FTCD: variants seen among roughly 807,000 people sequenced by gnomAD.
The protein encoded by FTCD is formimidoyltransferase-cyclodeaminase.
In FTCD, 76 loss-of-function variants were observed where a neutral mutation model predicts 62.9. The observed-to-expected ratio is 1.21, with a 90% confidence interval of 1.00 to 1.46. FTCD has a LOEUF of 1.46. FTCD is among the 40% of genes most tolerant of loss of function. The pLI is 0.00. For synonymous variants in FTCD, 397 were observed against 336.9 expected, an observed-to-expected ratio of 1.18 and a Z score of -1.95; for missense variants, 845 against 751.3, an observed-to-expected ratio of 1.12 and a Z score of -1.46.
At chr21:46,154,617 G>A (rs2079387035) in intron 1 of FTCD, among the ~76,000 whole-genome samples, 1 of 152,274 alleles carries the variant, frequency 6.6e-6, no homozygotes, top group Non-Finnish European at 1.5e-5. Flanking sequence ...ACAGACAGAT[G>A]CCAGAGACGT....
chr21:46,148,251 G>A (rs1056207492), intron 7 of FTCD, among the ~76,000 whole-genome samples: 11 of 152,168 alleles, frequency 7.2e-5, no homozygotes, highest in African/African-American at 2.4e-4. Flanking sequence ...GGTCCACGTC[G>A]GCACCCTGAG....
intron 10 of FTCD, among the ~76,000 whole-genome samples, chr21:46,141,271 G>A (rs550072393): frequency 6.6e-6 from 1 of 151,676 alleles, no homozygotes; most frequent in South Asian, 2.1e-4. Context: ...GAGTAGCTGG[G>A]ACCACAGGTA....
intron 10 of FTCD, among the ~76,000 whole-genome samples, chr21:46,141,166 G>A (rs2078996912): frequency 1.3e-5 from 2 of 152,304 alleles, no homozygotes; most frequent in East Asian, 3.9e-4. Flanking sequence ...GAGACAGGGT[G>A]TCGTTCTGTT....
rs569131862 is a variant in FTCD at position 46,137,826 on chromosome 21, G to C, written c.1444-492C>G. Among the ~76,000 whole-genome samples, 28 of 135,202 alleles carry C rather than the reference G, an allele frequency of 2.1e-4. 1 individual carries two copies. The East Asian group carries it at 7.1e-3, about 34-fold the overall frequency. The allele number at this position is 135,202 out of a possible 152,430, so 88.7% of individuals were successfully genotyped here. On this transcript the variant is annotated intron_variant, in intron 12 of 13. Transcript: ENST00000397746. ...CCATGAGAGAGACGCTCCTTCTCTG[G>C]GACCCTCTGCCCAGCTGTGGCCCCT...
intron 8 of FTCD, 68 bp from the exon 9 acceptor site, chr21:46,146,015 G>C (rs2079139642): frequency 1.0e-6 from 1 of 954,978 alleles, no homozygotes; most frequent in Non-Finnish European, 1.5e-6. Flanking sequence ...CTCCCGGGGC[G>C]GCCCCAGGCC....
At chr21:46,137,966 G>A (rs725976) in intron 12 of FTCD, among the ~76,000 whole-genome samples, 42,130 of 152,126 alleles carry the variant, frequency 0.28, 6,419 homozygotes, top group Non-Finnish European at 0.35. Context: ...GTGTGATCAC[G>A]GCTCACTGCA....
intron 10 of FTCD, among the ~76,000 whole-genome samples, chr21:46,143,537 C>T (rs2079064593): frequency 6.6e-6 from 1 of 152,180 alleles, no homozygotes; most frequent in Admixed American, 6.5e-5. Flanking sequence ...GTAGCAATTA[C>T]TCTTTAACAT....
At chr21:46,139,433 C>T (rs938805561) in intron 10 of FTCD, among the ~76,000 whole-genome samples, 1 of 151,474 alleles carries the variant, frequency 6.6e-6, no homozygotes, top group South Asian at 2.1e-4. Context: ...GTAAGGCACT[C>T]GGCTCCTCGG....
In FTCD at chr21:46,145,306, C is replaced by T. The variant is rs1186239469; in HGVS notation, c.1260+111G>A. The T allele has an allele frequency of 7.8e-6, 7 of 900,046 alleles. No homozygotes were observed. The Admixed American group carries it at 1.7e-4, about 22-fold the overall frequency. 55.8% of individuals were successfully genotyped at this position (900,046 alleles called of 1,614,324 possible). ...CCAGTGGTGACGCCCTCAGGCCCCT[C>T]CTGGTCCCCAGCCCCTCCCCAGCCG... is the stretch of plus-strand genomic sequence containing the variant. On this transcript the variant is annotated intron_variant, in intron 10 of 13. Transcript: ENST00000397746.
chr21:46,145,306 C>A, intron 10 of FTCD, 111 bp downstream of exon 10: 1 of 900,164 alleles, frequency 1.1e-6, no homozygotes. Flanking sequence ...TCAGGCCCCT[C>A]CTGGTCCCCA....
In FTCD at chr21:46,153,935, G is replaced by A. The variant is rs561146659; in HGVS notation, c.238+214C>T. ...TGGCCCGGTGCTGTGGGAGCGTGGC[G>A]ACCTGGGGGTCCCCCAGAGCACAGC... On this transcript the variant is annotated intron_variant, in intron 2 of 13. Coordinates refer to ENST00000397746, the MANE Select transcript of FTCD (RefSeq NM_206965.2). Among the ~76,000 whole-genome samples, 14 of 152,166 alleles carry A rather than the reference G, an allele frequency of 9.2e-5. No individual in the cohort carries two copies. In the South Asian group the frequency reaches 1.7e-3, roughly 18 times the overall value.
At position 46,138,572 on chromosome 21, in the gene FTCD, G is replaced by A. The variant is rs755986536; in HGVS notation, c.1379C>T (p.Ser460Leu). The change falls in exon 12 of 14, where the codon TCG becomes TTG. Residue 460 changes from serine (S) to leucine (L), a missense_variant. Coordinates refer to ENST00000397746, the MANE Select transcript of FTCD (RefSeq NM_206965.2). ...CAGTTCCTGCAGGGCCGGCCACAGCGAGGCCACCGTCTCCGCCAGCGTCAG... is the reference window on the plus strand; with the variant it reads ...CAGTTCCTGCAGGGCCGGCCACAGCAAGGCCACCGTCTCCGCCAGCGTCAG... ...VPLTLAETVA[S>L]LWPALQELAR... The A allele has an allele frequency of 2.3e-5, 36 of 1,587,922 alleles. No individual in the cohort carries two copies. Among genetic ancestry groups the A allele is most frequent in the African/African-American group, 5.4e-5 (4 of 74,714 alleles).
intron 11 of FTCD, 56 bp downstream of exon 11, chr21:46,138,824 G>A: frequency 6.6e-7 from 1 of 1,519,018 alleles, no homozygotes; most frequent in Admixed American, 1.7e-5. Flanking sequence ...TCGGGATCCT[G>A]GCCACCAACT....
intron 11 of FTCD, 37 bp from the exon 12 acceptor site, chr21:46,138,683 A>G: frequency 3.1e-6 from 5 of 1,590,636 alleles, no homozygotes; most frequent in Non-Finnish European, 4.3e-6. Context: ...GCACAGCGGC[A>G]CACACAGGCA....
chr21:46,138,450 C>T, intron 12 of FTCD, 58 bp downstream of exon 12: 2 of 1,518,240 alleles, frequency 1.3e-6, no homozygotes, highest in East Asian at 2.4e-5. Flanking sequence ...GCAACTCAGC[C>T]CCAACAGCTG....
chr21:46,137,468 C>T (rs938818048), intron 12 of FTCD, 134 bp from the exon 13 acceptor site: 6 of 749,074 alleles, frequency 8.0e-6, no homozygotes, highest in Non-Finnish European at 1.4e-5. Flanking sequence ...GCAGCCCCCG[C>T]TTTCGCCCCA....
chr21:46,151,718 G>C lies in FTCD; in HGVS notation c.476C>G (p.Ala159Gly), dbSNP rs200652518. Residue 159 changes from alanine (A) to glycine (G), a missense_variant, in exon 5 of 14, where the codon GCG becomes GGG. Coordinates refer to ENST00000397746, the MANE Select transcript of FTCD (RefSeq NM_206965.2). Reference protein sequence around the residue: ...LPKKLQQADWAPDFGPSSFVP... With the variant: ...LPKKLQQADWGPDFGPSSFVP... The stretch of plus-strand genomic sequence containing the variant: ...AAAGGAGCTGGGACCAAAGTCGGGC[G>C]CCCAGTCGGCCTGCTGGAGCTGTGA... The C allele has an allele frequency of 6.2e-7, 1 of 1,612,880 alleles. No individual in the cohort carries two copies. The highest frequency in any genetic ancestry group is 8.5e-7 in the Non-Finnish European group (1 of 1,179,958).
At chr21:46,154,590 T>C (rs2079385919) in intron 1 of FTCD, among the ~76,000 whole-genome samples, 1 of 152,142 alleles carries the variant, frequency 6.6e-6, no homozygotes, top group Non-Finnish European at 1.5e-5. Flanking sequence ...CAGGAGAGAC[T>C]CACGGGCTCT....
In FTCD at chr21:46,138,504, C is replaced by T. The variant is rs765010204; in HGVS notation, c.1443+4G>A. ...GAGGCCTGGGGTCCCCCGGGCCCCC[C>T]TACCTGGAGGTCTGACCGGCAGGCC... is the stretch of plus-strand genomic sequence containing the variant. On this transcript the variant is annotated splice_donor_region_variant and intron_variant, in intron 12 of 13. Coordinates refer to ENST00000397746, the MANE Select transcript of FTCD (RefSeq NM_206965.2). 9 of 1,582,412 alleles carry T rather than the reference C, an allele frequency of 5.7e-6. No homozygotes were observed. In the South Asian group the frequency reaches 8.0e-5, roughly 14 times the overall value.
Sources: gnomAD v4.1 joint callset for allele counts (sites outside exome capture counted in the v4.1 genomes callset) on GRCh38, gnomAD v4.1.1 for gene constraint, MANE v1.5 for transcripts, NCBI Gene and HGNC (gene_info 2026-07-23, HGNC 2026-07-21) for gene names.